ZNF274: variants seen among roughly 807,000 people sequenced by gnomAD.
ZNF274 encodes zinc finger protein 274, also known as neurotrophin receptor-interacting factor homolog.
Under a neutral mutation model 42.5 loss-of-function variants are expected in ZNF274, and 23 were observed. The observed-to-expected ratio is 0.54, with a 90% confidence interval of 0.39 to 0.77. The LOEUF is 0.77. ZNF274 is among the 30% of genes least tolerant of loss of function. The probability of loss-of-function intolerance (pLI) is 0.00; values close to 1 mark genes in which losing one functional copy is unlikely to be tolerated. For synonymous variants in ZNF274, 292 were observed against 305.4 expected (o/e 0.96, Z 0.46); for missense variants, 679 against 806.5 (o/e 0.84, Z 1.91).
At chr19:58,190,358 A>T (rs1299530033) in intron 4 of ZNF274, among the ~76,000 whole-genome samples, 1 of 152,066 alleles carries the variant, frequency 6.6e-6, no homozygotes. Flanking sequence ...ATGTAGTTGT[A>T]TTCATCATGG....
intron 4 of ZNF274, among the ~76,000 whole-genome samples, chr19:58,205,350 G>A (rs1214069752): frequency 6.6e-6 from 1 of 152,090 alleles, no homozygotes; most frequent in Non-Finnish European, 1.5e-5. Context: ...TGTTTTTAAG[G>A]CCTTATTTTT....
At chr19:58,187,181 T>C in intron 4 of ZNF274, 139 bp downstream of exon 4, 5 of 687,330 alleles carry the variant, frequency 7.3e-6, no homozygotes, top group Non-Finnish European at 9.8e-6. Context: ...AAACTCGAAG[T>C]TTTTCTCTGG....
At chr19:58,205,285 A>C (rs1408250537) in intron 4 of ZNF274, among the ~76,000 whole-genome samples, 1 of 152,182 alleles carries the variant, frequency 6.6e-6, no homozygotes, top group African/African-American at 2.4e-5. Flanking sequence ...TTGCCACTAA[A>C]TATTACAAAT....
intron 4 of ZNF274, among the ~76,000 whole-genome samples, chr19:58,190,773 C>T (rs2075770461): frequency 6.6e-6 from 1 of 152,064 alleles, no homozygotes; most frequent in Non-Finnish European, 1.5e-5. Context: ...GAATGCTTTC[C>T]CTTCTCTTTG....
intron 4 of ZNF274, among the ~76,000 whole-genome samples, chr19:58,192,331 T>G (rs2075787027): frequency 6.6e-6 from 1 of 152,184 alleles, no homozygotes; most frequent in African/African-American, 2.4e-5. Flanking sequence ...GCAGTTATAC[T>G]TGGTAATACC....
intron 1 of ZNF274, 57 bp from the exon 2 acceptor site, chr19:58,183,864 A>C: frequency 8.3e-7 from 1 of 1,210,228 alleles, no homozygotes; most frequent in Non-Finnish European, 1.2e-6. Flanking sequence ...AGGCTGCGGT[A>C]GCTCCCCAGC....
rs374960441 is a variant in ZNF274, at chr19:58,212,574, C to T, written c.1393C>T (p.Arg465Cys). ...SQVKSMKHNS[R>C]VKIHQKSCER... ...AGTTAAAAGTATGAAACATAATTCA[C>T]GTGTAAAAATTCATCAGAAGAGCTG... is the stretch of plus-strand genomic sequence containing the variant. The change falls in exon 8 of 8, where the codon CGT becomes TGT. Residue 465 changes from arginine to cysteine, a missense_variant. By Grantham distance (180) the Arg-to-Cys change is radical. This residue lies in a region of ZNF274 where 456 missense variants were observed against 590.1 expected (regional missense o/e 0.77). Coordinates refer to ENST00000617501, the MANE Select transcript of ZNF274 (RefSeq NM_133502.3). This position sits in a 1 kb window ranked among gnomAD's most constrained non-coding sequence, Gnocchi z 4.6. The T allele has an allele frequency of 7.5e-5, 121 of 1,613,950 alleles. No homozygotes were observed. Among genetic ancestry groups the T allele is most frequent in the African/African-American group, 2.7e-4 (20 of 75,022 alleles).
chr19:58,188,712 A>ATATATATATG, intron 4 of ZNF274, among the ~76,000 whole-genome samples: 1 of 124,088 alleles, frequency 8.1e-6, no homozygotes, highest in Non-Finnish European at 1.7e-5. Flanking sequence ...ATATATATAT[A>ATATATATATG]TATATATATA....
intron 4 of ZNF274, among the ~76,000 whole-genome samples, chr19:58,204,212 T>C (rs1442086463): frequency 6.6e-6 from 1 of 152,072 alleles, no homozygotes; most frequent in Non-Finnish European, 1.5e-5. Context: ...CACTGCCCCG[T>C]TGCCCCATGT....
Position 58,207,187 on chromosome 19 carries a change from ATGTC to A in ZNF274, c.727_730del (p.Ser243ArgfsTer36), listed in dbSNP as rs778592667. 1 of 1,611,360 alleles carries A rather than the reference ATGTC, an allele frequency of 6.2e-7. No homozygotes were observed. Among genetic ancestry groups the A allele is most frequent in the East Asian group, 2.2e-5 (1 of 44,816 alleles). On this transcript the variant is annotated frameshift_variant, in exon 5 of 8. Transcript: ENST00000617501. LOFTEE classifies it high-confidence loss of function. The surrounding 1 kb of genome is among the most constrained non-coding windows in gnomAD (Gnocchi z 5.6). ...GGCCCTGGTAGAGGGTGTGACCTGG[ATGTC>A]TGAGGAGGAAGGTAAGTAGAAGGGT...
chr19:58,209,980 T>C lies in ZNF274; in HGVS notation c.759T>C (p.Pro253=). 6.2e-7 allele frequency: 1 copy of C among 1,613,074 alleles called. No homozygotes were observed. Among genetic ancestry groups the C allele is most frequent in the Non-Finnish European group, 8.5e-7 (1 of 1,179,604 alleles). ...TCCCAGTACTTCCTGCAGGACAACC[T>C]GCCGAGGGCACCACCTGCTGCCTCG... The part of the protein sequence containing the change: ...SEEEVLPAGQ[P]AEGTTCCLEV... The change falls in exon 6 of 8, where the codon CCT becomes CCC. Residue 253 remains proline, a synonymous_variant. Transcript: ENST00000617501.
At chr19:58,198,299 G>A (rs887932421) in intron 4 of ZNF274, among the ~76,000 whole-genome samples, 2 of 152,322 alleles carry the variant, frequency 1.3e-5, no homozygotes, top group African/African-American at 4.8e-5. Flanking sequence ...TTTAGTTACA[G>A]TAGTTTGCAC....
chr19:58,186,924 C>A, intron 3 of ZNF274, 23 bp from the exon 4 acceptor site: 1 of 1,603,654 alleles, frequency 6.2e-7, no homozygotes, highest in East Asian at 2.2e-5. Flanking sequence ...CCCCACAAGC[C>A]CTGTCTCTTT....
At chr19:58,192,731 T>G (rs1196030179) in intron 4 of ZNF274, among the ~76,000 whole-genome samples, 1 of 152,184 alleles carries the variant, frequency 6.6e-6, no homozygotes, top group Non-Finnish European at 1.5e-5. Context: ...GTTCAGTACA[T>G]TTGCAGCCAT....
intron 4 of ZNF274, among the ~76,000 whole-genome samples, chr19:58,195,055 G>A (rs1393178027): frequency 6.6e-6 from 1 of 151,388 alleles, no homozygotes; most frequent in Non-Finnish European, 1.5e-5. Context: ...AAAATTAACT[G>A]GGCATGCTGG....
At position 58,209,967 on chromosome 19, in the gene ZNF274, C is replaced by T; in HGVS notation, c.746C>T (p.Pro249Leu). Residue 249 changes from proline to leucine, a missense_variant, in exon 6 of 8, where the codon CCT becomes CTT. Physicochemically the swap from Pro to Leu is moderately conservative, Grantham distance 98. Coordinates refer to ENST00000617501, the MANE Select transcript of ZNF274 (RefSeq NM_133502.3). ...GGCTGGTGTCTCCTCCCAGTACTTC[C>T]TGCAGGACAACCTGCCGAGGGCACC... is the stretch of plus-strand genomic sequence containing the variant. ...VTWMSEEEVL[P>L]AGQPAEGTTC... 1 of 1,611,908 alleles carries T rather than the reference C, an allele frequency of 6.2e-7. No homozygotes were observed. Among genetic ancestry groups the T allele is most frequent in the Non-Finnish European group, 8.5e-7 (1 of 1,179,188 alleles).
intron 4 of ZNF274, among the ~76,000 whole-genome samples, chr19:58,204,363 A>G (rs181072033): frequency 2.6e-5 from 4 of 152,064 alleles, no homozygotes; most frequent in Non-Finnish European, 5.9e-5. Context: ...GCAGGGTTCG[A>G]GGCGTGGCCT....
chr19:58,194,226 T>G (rs1236171966), intron 4 of ZNF274, among the ~76,000 whole-genome samples: 1 of 152,212 alleles, frequency 6.6e-6, no homozygotes, highest in Middle Eastern at 3.4e-3. Flanking sequence ...TGGGTGTGTG[T>G]GTGTGTATGA....
chr19:58,212,939 T>G lies in ZNF274; in HGVS notation c.1758T>G (p.Thr586=), dbSNP rs777925021. The part of the protein sequence containing the change: ...SAISQHLRTH[T]GAKPYKCQDC... The stretch of plus-strand genomic sequence containing the variant: ...TCTCCCAGCACCTGAGGACTCACAC[T>G]GGCGCTAAGCCCTACAAGTGTCAGG... Residue 586 remains threonine, a synonymous_variant, in exon 8 of 8, where the codon ACT becomes ACG. Coordinates refer to ENST00000617501, the MANE Select transcript of ZNF274 (RefSeq NM_133502.3). This position sits in a 1 kb window ranked among gnomAD's most constrained non-coding sequence, Gnocchi z 4.6. 1 of 1,614,020 alleles carries G rather than the reference T, an allele frequency of 6.2e-7. No homozygotes were observed. Among genetic ancestry groups the G allele is most frequent in the Admixed American group, 1.7e-5 (1 of 60,016 alleles).
Sources: allele counts gnomAD v4.1 joint callset (sites outside exome capture counted in the v4.1 genomes callset), GRCh38; gene constraint gnomAD v4.1.1; regional missense constraint gnomAD v4.1.1; non-coding constraint Gnocchi (gnomAD v3.1); transcripts MANE v1.5; gene names NCBI Gene and HGNC (gene_info 2026-07-23, HGNC 2026-07-21).